LDLRAP1: variants seen among roughly 807,000 people sequenced by gnomAD.
LDLRAP1 encodes the protein low density lipoprotein receptor adapter protein 1.
LDLRAP1 carries 30 observed loss-of-function variants against 37.8 expected under a neutral mutation model. The ratio of observed to expected loss-of-function variants is 0.79; its 90% confidence interval spans 0.59 to 1.08. LDLRAP1 has a LOEUF of 1.08. Ranked by LOEUF, LDLRAP1 falls within the 50% of genes least tolerant of loss-of-function variation. The probability of loss-of-function intolerance (pLI) is 0.00; values close to 1 mark genes in which losing one functional copy is unlikely to be tolerated. For missense variants in LDLRAP1, 375 were observed against 401.6 expected, an observed-to-expected ratio of 0.93 and a Z score of 0.57; for synonymous variants, 156 against 169.8, an observed-to-expected ratio of 0.92 and a Z score of 0.63.
chr1:25,563,338 T>G (rs185104501), intron 6 of LDLRAP1, among the ~76,000 whole-genome samples, 185 bp downstream of exon 6: 1 of 152,338 alleles, frequency 6.6e-6, no homozygotes, highest in East Asian at 1.9e-4. Flanking sequence ...AATAACTCAT[T>G]TTAGTACATT....
intron 1 of LDLRAP1, among the ~76,000 whole-genome samples, chr1:25,546,785 A>G (rs1349115649): frequency 6.6e-6 from 1 of 152,148 alleles, no homozygotes; most frequent in African/African-American, 2.4e-5. Flanking sequence ...TTGCAAATGA[A>G]TGTGGCCCAA....
rs2044378683 is a variant in LDLRAP1 at position 25,562,941 on chromosome 1, C to G, written c.533-129C>G. 6.2e-6 allele frequency: 6 copies of G among 963,488 alleles called. No individual in the cohort carries two copies. The Admixed American group carries it at 1.1e-4, about 17-fold the overall frequency. 59.7% of individuals were successfully genotyped at this position (963,488 alleles called of 1,614,324 possible). A position where few individuals can be genotyped will look rare whatever the true frequency, so the allele number is the denominator to read the frequency against. On this transcript the variant is annotated intron_variant, in intron 5 of 8. Transcript: ENST00000374338. ...GGATTAACTGACATCCGAAAGGTTTCTTTCCTCCCGGCTGGAAACCTGAAA... is the reference window on the plus strand; with the variant it reads ...GGATTAACTGACATCCGAAAGGTTTGTTTCCTCCCGGCTGGAAACCTGAAA...
At chr1:25,588,152 G>A in the LDLRAP1 span, among the ~76,000 whole-genome samples, 4 of 152,100 alleles carry the variant, frequency 2.6e-5, no homozygotes, top group Non-Finnish European at 4.4e-5. Context: ...GCGGAAGGCC[G>A]CAGGGACCTC....
chr1:25,559,185 A>G (rs946237456), intron 4 of LDLRAP1, among the ~76,000 whole-genome samples: 1 of 152,176 alleles, frequency 6.6e-6, no homozygotes, highest in Admixed American at 6.5e-5. Flanking sequence ...GAGGCCACAC[A>G]GACTTAAAAA....
At chr1:25,553,832 G>A in intron 1 of LDLRAP1, 90 bp from the exon 2 acceptor site, 1 of 1,526,682 alleles carries the variant, frequency 6.6e-7, no homozygotes, top group Non-Finnish European at 8.9e-7. Flanking sequence ...CCCCTTGCTG[G>A]GGTTTCCTAG....
chr1:25,547,611 G>A (rs1442169116), intron 1 of LDLRAP1, among the ~76,000 whole-genome samples: 3 of 152,164 alleles, frequency 2.0e-5, no homozygotes, highest in Non-Finnish European at 4.4e-5. Context: ...CTTCAGAGCC[G>A]TTCCACTGGA....
the LDLRAP1 span, among the ~76,000 whole-genome samples, chr1:25,576,156 C>T: frequency 6.6e-6 from 1 of 151,950 alleles, no homozygotes; most frequent in Non-Finnish European, 1.5e-5. Context: ...CACTTGAATT[C>T]GGGAGGCAGA....
chr1:25,588,833 G>C, the LDLRAP1 span, among the ~76,000 whole-genome samples: 1 of 152,182 alleles, frequency 6.6e-6, no homozygotes, highest in East Asian at 1.9e-4. Context: ...GCCTCACAGA[G>C]GTTCTGTTTT....
At chr1:25,557,889 TC>T (rs1291520120) in intron 4 of LDLRAP1, among the ~76,000 whole-genome samples, 6 of 95,700 alleles carry the variant, frequency 6.3e-5, no homozygotes, top group Non-Finnish European at 1.1e-4. Flanking sequence ...TTTTTTTTCT[TC>T]TTTTTTTTAA....
chr1:25,561,271 C>T (rs2044336102), intron 4 of LDLRAP1, among the ~76,000 whole-genome samples: 1 of 152,108 alleles, frequency 6.6e-6, no homozygotes, highest in South Asian at 2.1e-4. Context: ...TAAACAGCTG[C>T]GAAGAGTTTC....
chr1:25,569,615 C>A (rs547133049), downstream of LDLRAP1, among the ~76,000 whole-genome samples: 44 of 152,332 alleles, frequency 2.9e-4, no homozygotes, highest in Admixed American at 1.8e-3. Flanking sequence ...CTTGTGCATT[C>A]AGGTTATCTC....
chr1:25,565,269 T>G, intron 8 of LDLRAP1, 62 bp downstream of exon 8: 1 of 1,574,520 alleles, frequency 6.4e-7, no homozygotes, highest in Admixed American at 1.7e-5. Context: ...CCTGCTGCCC[T>G]TTCTCCTGGG....
At chr1:25,584,016 G>T in the LDLRAP1 span, among the ~76,000 whole-genome samples, 3 of 152,200 alleles carry the variant, frequency 2.0e-5, no homozygotes, top group African/African-American at 4.8e-5. Flanking sequence ...CACAGGGGCT[G>T]AGAGAACAGG....
Position 25,567,054 on chromosome 1 carries a change from C to G in LDLRAP1, c.*62C>G, listed in dbSNP as rs572888823. The G allele has an allele frequency of 6.2e-7, 1 of 1,605,148 alleles. No individual in the cohort carries two copies. The highest frequency in any genetic ancestry group is 8.5e-7 in the Non-Finnish European group (1 of 1,175,162). On this transcript the variant is annotated 3_prime_UTR_variant, in exon 9 of 9. Transcript: ENST00000374338. Reference sequence around the variant, plus strand: ...CGTGATGGACCAAAGCCACCTGCTGCGGGGGAGCCAGTTCTGGGGCCCGCC... The same window carrying G: ...CGTGATGGACCAAAGCCACCTGCTGGGGGGGAGCCAGTTCTGGGGCCCGCC...
Position 25,566,940 on chromosome 1 carries a change from G to A in LDLRAP1, c.875G>A (p.Trp292Ter), listed in dbSNP as rs1191866542. Reference sequence around the variant, plus strand: ...GCCCAGTGCCTCTCGCCTGTCGACTGGGACAAGCCTGACAGCAGCGGCACA... The same window carrying A: ...GCCCAGTGCCTCTCGCCTGTCGACTAGGACAAGCCTGACAGCAGCGGCACA... The part of the protein sequence containing the change: ...HYAQCLSPVD[W>*]DKPDSSGTEQ... The change falls in exon 9 of 9, where the codon TGG becomes TAG. Residue 292 changes from tryptophan (W) to a stop codon, truncating the protein, a stop_gained. Coordinates refer to ENST00000374338, the MANE Select transcript of LDLRAP1 (RefSeq NM_015627.3). LOFTEE classifies it high-confidence loss of function. 1.9e-6 allele frequency: 3 copies of A among 1,613,604 alleles called. No homozygotes were observed. Among genetic ancestry groups the A allele is most frequent in the Non-Finnish European group, 2.5e-6 (3 of 1,180,028 alleles).
At chr1:25,552,488 A>C (rs79537383) in intron 1 of LDLRAP1, among the ~76,000 whole-genome samples, 9,895 of 152,176 alleles carry the variant, frequency 0.065, 548 homozygotes, top group African/African-American at 0.15. Flanking sequence ...CTCTGTCCTC[A>C]ACAAGATTGT....
chr1:25,548,288 G>A (rs957825797), intron 1 of LDLRAP1, among the ~76,000 whole-genome samples: 1 of 150,868 alleles, frequency 6.6e-6, no homozygotes, highest in Middle Eastern at 3.5e-3. Flanking sequence ...AGCTCACCTC[G>A]GGTGTGAACT....
chr1:25,586,483 C>T, the LDLRAP1 span, among the ~76,000 whole-genome samples: 3 of 146,056 alleles, frequency 2.1e-5, no homozygotes, highest in East Asian at 2.1e-4. The surrounding 1 kb of genome is among the most constrained non-coding windows in gnomAD (Gnocchi z 4.3). Context: ...TTCCCACGTG[C>T]GTGTGCGTGT....
chr1:25,566,756 C>T (rs1557712849), intron 8 of LDLRAP1, 92 bp from the exon 9 acceptor site: 18 of 1,491,748 alleles, frequency 1.2e-5, no homozygotes, highest in Non-Finnish European at 1.6e-5. Flanking sequence ...GGCCATGTGC[C>T]CTGCTGTTCC....
Sources: allele counts gnomAD v4.1 joint callset (sites outside exome capture counted in the v4.1 genomes callset), GRCh38; gene constraint gnomAD v4.1.1; non-coding constraint Gnocchi (gnomAD v3.1); transcripts MANE v1.5; gene names NCBI Gene and HGNC (gene_info 2026-07-23, HGNC 2026-07-21).